GALK2: variants seen among roughly 807,000 people sequenced by gnomAD.
GALK2 encodes the protein galactokinase 2.
A neutral mutation model predicts 52.4 loss-of-function variants in GALK2; 36 were observed. The observed-to-expected ratio is 0.69, with a 90% CI of 0.53 to 0.91. The LOEUF (loss-of-function observed/expected upper bound fraction) is 0.91, where lower values mean the gene tolerates loss of function less well. Ranked by LOEUF, GALK2 falls within the 40% of genes least tolerant of loss-of-function variation. GALK2 has a pLI of 0.00. For synonymous variants in GALK2, 176 were observed against 199.1 expected (o/e 0.88, Z 0.98); for missense variants, 579 against 559.1 (o/e 1.04, Z -0.36).
At chr15:49,311,978 G>C (rs2036028648) in intron 8 of GALK2, among the ~76,000 whole-genome samples, 1 of 152,220 alleles carries the variant, frequency 6.6e-6, no homozygotes. Context: ...TGTCCACACA[G>C]TTAATCTGCT....
At chr15:49,177,811 A>G in intron 1 of GALK2, 1 of 375,642 alleles carries the variant, frequency 2.7e-6, no homozygotes, top group South Asian at 3.1e-5. Flanking sequence ...GAGTGGATGA[A>G]TGAGGATAAC....
At chr15:49,327,914 AT>A in intron 9 of GALK2, 37 bp from the exon 10 acceptor site, 1 of 1,577,740 alleles carries the variant, frequency 6.3e-7, no homozygotes, top group East Asian at 2.3e-5. Context: ...TTGTATTTTC[AT>A]TTATAGGTTC....
rs2038643488 is a variant in GALK2 at position 49,331,086 on chromosome 15, C to T, written c.*2927C>T. 3 of 152,364 alleles carry T rather than the reference C, an allele frequency of 2.0e-5. No individual in the cohort carries two copies. The South Asian group carries it at 6.2e-4, about 32-fold the overall frequency. 9.4% of individuals were successfully genotyped at this position (152,364 alleles called of 1,614,324 possible). ...GCCCCATGTAGGAATTTGATTTGAT[C>T]CATTTTTGACATTATACTAGCAGCC... On this transcript the variant is annotated 3_prime_UTR_variant, in exon 10 of 10. Transcript: ENST00000560031.
At chr15:49,267,970 G>A (rs1193359932) in intron 5 of GALK2, among the ~76,000 whole-genome samples, 1 of 152,138 alleles carries the variant, frequency 6.6e-6, no homozygotes, top group African/African-American at 2.4e-5. Flanking sequence ...GTCATATAAT[G>A]ACTGCATAGT....
chr15:49,364,522 C>G (rs1400328789), intron 3 of GALK2, among the ~76,000 whole-genome samples: 1 of 151,854 alleles, frequency 6.6e-6, no homozygotes, highest in African/African-American at 2.4e-5. Context: ...AAAAAATGTT[C>G]TTAATATAAT....
chr15:49,212,531 T>C (rs182332227), intron 2 of GALK2, among the ~76,000 whole-genome samples: 1 of 152,338 alleles, frequency 6.6e-6, no homozygotes, highest in East Asian at 1.9e-4. Flanking sequence ...CGAATTCTTT[T>C]CCTCTACTAA....
chr15:49,322,194 A>G (rs2036932167), intron 9 of GALK2, among the ~76,000 whole-genome samples: 1 of 152,186 alleles, frequency 6.6e-6, no homozygotes. Context: ...AATGGCAGCT[A>G]AAGTGTTTCA....
intron 2 of GALK2, among the ~76,000 whole-genome samples, chr15:49,210,499 G>A (rs539479304): frequency 1.2e-4 from 18 of 151,840 alleles, no homozygotes; most frequent in South Asian, 6.2e-4. Flanking sequence ...GAGTGCAATG[G>A]TGCGATCTCA....
At chr15:49,260,743 A>G (rs1422179959) in intron 5 of GALK2, among the ~76,000 whole-genome samples, 6 of 152,104 alleles carry the variant, frequency 3.9e-5, no homozygotes, top group African/African-American at 9.6e-5. Context: ...TGATTTTTGT[A>G]TCAGGTGTAA....
chr15:49,233,459 C>T (rs368387699), intron 3 of GALK2, among the ~76,000 whole-genome samples: 8 of 152,210 alleles, frequency 5.3e-5, no homozygotes, highest in East Asian at 1.9e-4. Flanking sequence ...CTTTCTGGAA[C>T]GTTGCTCATG....
chr15:49,228,687 ATTT>A (rs1174406561), intron 3 of GALK2, among the ~76,000 whole-genome samples: 19 of 14,272 alleles, frequency 1.3e-3, no homozygotes, highest in East Asian at 3.8e-3. Flanking sequence ...ATATATATAT[ATTT>A]TTTTTTTTTT....
At chr15:49,252,349 T>A (rs553013960) in intron 5 of GALK2, among the ~76,000 whole-genome samples, 9 of 152,132 alleles carry the variant, frequency 5.9e-5, no homozygotes, top group Non-Finnish European at 8.8e-5. Context: ...AAATTGGGAA[T>A]CATTCCATGT....
chr15:49,190,309 C>T (rs992556700), intron 1 of GALK2, among the ~76,000 whole-genome samples: 2 of 151,934 alleles, frequency 1.3e-5, no homozygotes, highest in Admixed American at 6.6e-5. Flanking sequence ...CCATAGAAAT[C>T]GCAAATTGCG....
chr15:49,340,635 T>C (rs2040581414), intron 3 of GALK2, among the ~76,000 whole-genome samples: 1 of 152,206 alleles, frequency 6.6e-6, no homozygotes, highest in African/African-American at 2.4e-5. Flanking sequence ...GTTCAGTTCT[T>C]TAAGTTCCTT....
chr15:49,182,669 G>T (rs1219839842), intron 1 of GALK2, among the ~76,000 whole-genome samples: 1 of 151,476 alleles, frequency 6.6e-6, no homozygotes, highest in African/African-American at 2.4e-5. Context: ...TCTTTTTTTT[G>T]GATAAAAGCC....
intron 3 of GALK2, among the ~76,000 whole-genome samples, chr15:49,337,290 CT>C (rs1210043822): frequency 6.6e-6 from 1 of 152,186 alleles, no homozygotes; most frequent in Non-Finnish European, 1.5e-5. Context: ...AGTGGCTGAA[CT>C]AATTTACGTT....
intron 8 of GALK2, among the ~76,000 whole-genome samples, chr15:49,307,326 C>T (rs61526567): frequency 8.1e-4 from 123 of 152,172 alleles, no homozygotes; most frequent in African/African-American, 2.6e-3. Context: ...AATTGAAATA[C>T]GGGGGCTTTC....
At chr15:49,310,770 T>C (rs951469484) in intron 8 of GALK2, among the ~76,000 whole-genome samples, 1 of 152,182 alleles carries the variant, frequency 6.6e-6, no homozygotes, top group Non-Finnish European at 1.5e-5. Flanking sequence ...TTGAGTTCTT[T>C]GTATATTCTG....
rs1291476467 is a variant in GALK2 at position 49,359,338 on chromosome 15, A to G, written c.427-8153A>G. ...GGGAGAAAATTTTCGCAACCTACTCATCTGACAAAGGGCTAATATCCAGAA... is the reference window on the plus strand; with the variant it reads ...GGGAGAAAATTTTCGCAACCTACTCGTCTGACAAAGGGCTAATATCCAGAA... On this transcript the variant is annotated intron_variant, in intron 3 of 3. Transcript: ENST00000558399. Among the ~76,000 whole-genome samples the G allele has an allele frequency of 4.4e-4, 53 of 120,480 alleles. 6 individuals carry two copies. Among genetic ancestry groups the G allele is most frequent in the Non-Finnish European group, 7.5e-4 (41 of 54,644 alleles). The allele number at this position is 120,480 out of a possible 152,430, so 79.0% of individuals were successfully genotyped here. A position where few individuals can be genotyped will look rare whatever the true frequency, so the allele number is the denominator to read the frequency against.
Sources: gnomAD v4.1 joint callset for allele counts (sites outside exome capture counted in the v4.1 genomes callset) on GRCh38, gnomAD v4.1.1 for gene constraint, MANE v1.5 for transcripts, NCBI Gene and HGNC (gene_info 2026-07-23, HGNC 2026-07-21) for gene names.